The following KSR2 variants were observed in gnomAD, a reference collection of about 807,000 sequenced individuals.
The protein encoded by KSR2 is kinase suppressor of ras 2.
KSR2 carries 25 observed loss-of-function variants against 107.8 expected under a neutral mutation model. The ratio of observed to expected loss-of-function variants is 0.23; its 90% CI spans 0.17 to 0.32. KSR2 has a LOEUF of 0.32. Ranked by LOEUF, KSR2 falls within the 10% of genes least tolerant of loss-of-function variation. The probability of loss-of-function intolerance (pLI) is 1.00; values close to 1 mark genes in which losing one functional copy is unlikely to be tolerated. For missense variants in KSR2, 887 were observed against 1,268.9 expected (o/e 0.70, Z 4.57); for synonymous variants, 480 against 507.0 (o/e 0.95, Z 0.71).
chr12:117,469,808 A>C lies in KSR2; in HGVS notation c.2713-13T>G, dbSNP rs539776458. On this transcript the variant is annotated splice_polypyrimidine_tract_variant and intron_variant, in intron 18 of 19. Transcript: ENST00000339824. The stretch of plus-strand genomic sequence containing the variant: ...AGAGAAGAATGTCCTAAATGAAACC[A>C]ATGTGTGGTGATTACACATAAATGG... 2 of 1,613,458 alleles carry C rather than the reference A, an allele frequency of 1.2e-6. No homozygotes were observed. Among genetic ancestry groups the C allele is most frequent in the Non-Finnish European group, 1.7e-6 (2 of 1,179,690 alleles).
chr12:117,767,113 T>C (rs1408731721), intron 3 of KSR2, among the ~76,000 whole-genome samples: 1 of 151,676 alleles, frequency 6.6e-6, no homozygotes, highest in Admixed American at 6.6e-5. Context: ...TAGAGTTATT[T>C]TGAGAGAGGA....
chr12:117,469,629 C>A, intron 19 of KSR2, 33 bp downstream of exon 19: 1 of 1,606,038 alleles, frequency 6.2e-7, no homozygotes, highest in Non-Finnish European at 8.5e-7. Flanking sequence ...GAGGACAAGG[C>A]AGTGGGGAGA....
intron 5 of KSR2, among the ~76,000 whole-genome samples, chr12:117,646,454 G>T (rs1883646777): frequency 6.6e-6 from 1 of 152,186 alleles, no homozygotes; most frequent in South Asian, 2.1e-4. Flanking sequence ...TGAGGCGGCA[G>T]CCCAAGGTGA....
intron 14 of KSR2, among the ~76,000 whole-genome samples, chr12:117,504,862 T>C (rs1229216525): frequency 6.6e-6 from 1 of 152,232 alleles, no homozygotes; most frequent in East Asian, 1.9e-4. Context: ...GTCATCTGAA[T>C]AGTGTATGTT....
At chr12:117,725,112 A>ACC (rs1482347910) in intron 4 of KSR2, among the ~76,000 whole-genome samples, 1 of 144,656 alleles carries the variant, frequency 6.9e-6, no homozygotes, top group Non-Finnish European at 1.5e-5. Context: ...ACACACACAC[A>ACC]CCCCAAAAAC....
At chr12:117,949,040 G>T (rs1264432590) in intron 1 of KSR2, among the ~76,000 whole-genome samples, 1 of 152,182 alleles carries the variant, frequency 6.6e-6, no homozygotes, top group Admixed American at 6.6e-5. Flanking sequence ...GTTGCAGCGA[G>T]CTGAGATTGC....
rs533566855 is a variant in KSR2 at position 117,847,980 on chromosome 12, G to C, written c.472+7448C>G. ...CGTGGGAGGGGGAAAAGGAGGGAAG[G>C]GTAGAAAAGAAGGAAGGGGAGGAGG... is the stretch of plus-strand genomic sequence containing the variant. On this transcript the variant is annotated intron_variant, in intron 3 of 19. Transcript: ENST00000339824. Among the ~76,000 whole-genome samples the C allele has an allele frequency of 4.5e-4, 69 of 152,290 alleles. 1 individual carries two copies. The highest frequency in any genetic ancestry group is 8.2e-4 in the Non-Finnish European group (56 of 68,038).
intron 4 of KSR2, among the ~76,000 whole-genome samples, chr12:117,678,349 C>T (rs1487221930): frequency 6.6e-6 from 1 of 151,944 alleles, no homozygotes; most frequent in African/African-American, 2.4e-5. Context: ...AGGATACTAC[C>T]CCCACCCCGC....
intron 9 of KSR2, among the ~76,000 whole-genome samples, chr12:117,543,702 T>G (rs1248867919): frequency 1.3e-5 from 2 of 152,238 alleles, no homozygotes; most frequent in East Asian, 3.8e-4. Context: ...TTCCTAGGAC[T>G]GCTGTAACAA....
In KSR2 at chr12:117,880,186, G is replaced by A. The variant is rs116914986; in HGVS notation, c.181-19755C>T. On this transcript the variant is annotated intron_variant, in intron 1 of 19. Coordinates refer to ENST00000339824, the MANE Select transcript of KSR2 (RefSeq NM_173598.6). ...CAAACAAAAAAGATTTATATGAATAGAACAATACTGTGTGAAAGCATAGGA... is the reference window on the plus strand; with the variant it reads ...CAAACAAAAAAGATTTATATGAATAAAACAATACTGTGTGAAAGCATAGGA... 3.3e-3 allele frequency among the ~76,000 whole-genome samples: 501 copies of A among 152,148 alleles called. 9 individuals are homozygous for A. The East Asian group carries it at 0.041, about 13-fold the overall frequency.
intron 5 of KSR2, among the ~76,000 whole-genome samples, chr12:117,601,652 G>A (rs59855752): frequency 0.042 from 6,438 of 152,206 alleles, 262 homozygotes; most frequent in East Asian, 0.15. Flanking sequence ...TAGAGCCTTC[G>A]GAGAGAGCAT....
chr12:117,958,726 C>G (rs965284538), intron 1 of KSR2, among the ~76,000 whole-genome samples: 1 of 152,168 alleles, frequency 6.6e-6, no homozygotes, highest in Non-Finnish European at 1.5e-5. Flanking sequence ...GAGGCTGAGG[C>G]GCAAGAATTG....
intron 14 of KSR2, among the ~76,000 whole-genome samples, chr12:117,504,230 C>T (rs1327525922): frequency 1.3e-5 from 2 of 152,184 alleles, no homozygotes; most frequent in Non-Finnish European, 2.9e-5. Flanking sequence ...GACAATGTTG[C>T]ATCTTCATGG....
chr12:117,855,572 A>G lies in KSR2; in HGVS notation c.328T>C (p.Ser110Pro). The change falls in exon 3 of 20, where the codon TCC becomes CCC. Residue 110 changes from serine to proline, a missense_variant. By Grantham distance (74) the Ser-to-Pro change is moderately conservative. Around this residue, in one of 8 missense-constraint regions of KSR2, gnomAD observed 399 missense variants for 479.5 expected, o/e 0.83. Transcript: ENST00000339824. ...DVRKEVLEEI[S>P]PGQLSLEDLL... is the part of the protein sequence containing the mutation. Reference sequence around the variant, plus strand: ...TCCTCCAGGCTCAGCTGGCCGGGGGAGATTTCCTAGAGGAGGGGAGAAGGA... The same window carrying G: ...TCCTCCAGGCTCAGCTGGCCGGGGGGGATTTCCTAGAGGAGGGGAGAAGGA... The G allele has an allele frequency of 1.2e-6, 2 of 1,613,750 alleles. No individual in the cohort carries two copies.
intron 5 of KSR2, among the ~76,000 whole-genome samples, chr12:117,661,853 C>T (rs1313398590): frequency 6.6e-6 from 1 of 152,160 alleles, no homozygotes; most frequent in African/African-American, 2.4e-5. Flanking sequence ...AGGAGTTAAG[C>T]TGGTTGCTTC....
chr12:117,951,001 G>T (rs11068759), intron 1 of KSR2, among the ~76,000 whole-genome samples: 1 of 151,612 alleles, frequency 6.6e-6, no homozygotes, highest in African/African-American at 2.4e-5. Context: ...GTAAGCTCCC[G>T]GATTCATGCC....
intron 4 of KSR2, among the ~76,000 whole-genome samples, chr12:117,698,498 G>A (rs1403531680): frequency 6.6e-6 from 1 of 151,572 alleles, no homozygotes. Context: ...TTTTCCTTTG[G>A]TATTTTTTGT....
chr12:117,824,045 T>A (rs1424454432), intron 3 of KSR2, among the ~76,000 whole-genome samples: 1 of 152,192 alleles, frequency 6.6e-6, no homozygotes, highest in African/African-American at 2.4e-5. Flanking sequence ...GTGGTATATA[T>A]ACACAATGGA....
At chr12:117,854,456 C>T (rs1210113150) in intron 3 of KSR2, among the ~76,000 whole-genome samples, 3 of 152,188 alleles carry the variant, frequency 2.0e-5, no homozygotes, top group African/African-American at 7.2e-5. Flanking sequence ...TGCTGGCACC[C>T]CATAGCCACT....
Sources: gnomAD v4.1 joint callset for allele counts (sites outside exome capture counted in the v4.1 genomes callset) on GRCh38, gnomAD v4.1.1 for gene constraint, gnomAD v4.1.1 regional missense constraint, MANE v1.5 for transcripts, NCBI Gene and HGNC (gene_info 2026-07-23, HGNC 2026-07-21) for gene names.